Variants in BRCC3 observed in about 807,000 individuals in gnomAD.
The protein encoded by BRCC3 is BRCA1/BRCA2-containing complex subunit 3, also known as lys-63-specific deubiquitinase BRCC36.
Under a neutral mutation model 28.0 loss-of-function variants are expected in BRCC3, and 15 were observed. The observed-to-expected ratio is 0.54, with a 90% CI of 0.36 to 0.82. BRCC3 has a LOEUF of 0.82. Among genes scored for constraint, BRCC3 ranks in the 40% least tolerant of loss-of-function variants. The pLI is 0.01. For synonymous variants in BRCC3, 66 were observed against 80.3 expected (o/e 0.82, Z 0.95); for missense variants, 109 against 225.9 (o/e 0.48, Z 3.32).
intron 8 of BRCC3, 80 bp from the exon 9 acceptor site, chrX:155,116,631 T>G: frequency 1.6e-6 from 1 of 607,844 alleles, no homozygotes; most frequent in Non-Finnish European, 2.6e-6. Flanking sequence ...CTAATACAGT[T>G]GGCAACGGTA....
At chrX:155,099,484 A>C in intron 7 of BRCC3, 89 of 1,094,670 alleles carry the variant, frequency 8.1e-5, no homozygotes, top group Non-Finnish European at 1.0e-4. Flanking sequence ...CTTCCATCTC[A>C]CTGGCAGAAC....
In BRCC3 at chrX:155,073,415, G is replaced by A. The variant is rs781808889; in HGVS notation, c.179G>A (p.Arg60His). 2.8e-5 allele frequency: 33 copies of A among 1,165,095 alleles called. 1 individual carries two copies. The highest frequency in any genetic ancestry group is 3.2e-5 in the Non-Finnish European group (28 of 872,426). ...SKFAYTGTEM[R>H]TVAEKVDAVR... Reference sequence around the variant, plus strand: ...TTTGCATATACTGGAACTGAAATGCGCACAGTTGCTGAAAAGGTATGTGTG... The same window carrying A: ...TTTGCATATACTGGAACTGAAATGCACACAGTTGCTGAAAAGGTATGTGTG... The change falls in exon 3 of 11, where the codon CGC (arginine) becomes CAC (histidine). Residue 60 changes from arginine (R) to histidine (H), a missense_variant. This residue lies in a region of BRCC3 where 58 missense variants were observed against 92.8 expected (regional missense o/e 0.63). Transcript: ENST00000330045.
intron 9 of BRCC3, among the ~76,000 whole-genome samples, chrX:155,118,058 G>C (rs1238408885): frequency 8.9e-6 from 1 of 112,151 alleles, no homozygotes; most frequent in African/African-American, 3.2e-5. Context: ...TGTCATACCA[G>C]TTCCTTTCCT....
At chrX:155,111,367 T>C (rs781898728) in intron 7 of BRCC3, among the ~76,000 whole-genome samples, 4 of 110,634 alleles carry the variant, frequency 3.6e-5, no homozygotes, top group East Asian at 2.8e-4. Flanking sequence ...AGGGACAGAG[T>C]TTCAGAGAAC....
At chrX:155,117,625 AT>A (rs1476698566) in intron 9 of BRCC3, among the ~76,000 whole-genome samples, 1 of 112,331 alleles carries the variant, frequency 8.9e-6, no homozygotes, top group Non-Finnish European at 1.9e-5. Context: ...ATATATAACC[AT>A]ATTCTAAAGC....
At position 155,102,618 on chromosome X, in the gene BRCC3, G is replaced by A. The variant is rs781844045; in HGVS notation, c.548+11779G>A. On this transcript the variant is annotated intron_variant, in intron 7 of 10. Coordinates refer to ENST00000330045, the MANE Select transcript of BRCC3 (RefSeq NM_001018055.3). The stretch of plus-strand genomic sequence containing the variant: ...GCGTTGTTAGAACCTCTAATAAGCT[G>A]TTGAATACAGCTGGTAAGAGCGGTC... Among the ~76,000 whole-genome samples the A allele has an allele frequency of 5.8e-4, 65 of 111,526 alleles. 1 individual carries two copies. Among genetic ancestry groups the A allele is most frequent in the Admixed American group, 1.9e-4 (2 of 10,514 alleles).
At position 155,090,858 on chromosome X, in the gene BRCC3, T is replaced by C. The variant is rs782154394; in HGVS notation, c.548+19T>C. On this transcript the variant is annotated intron_variant, in intron 7 of 10. Transcript: ENST00000330045. The stretch of plus-strand genomic sequence containing the variant: ...GTTCAGAGTAAGTATGAGAGAGACT[T>C]ATGTGTGTATTGGAGGGCTAATCTC... The C allele has an allele frequency of 1.8e-6, 2 of 1,104,196 alleles. No individual in the cohort carries two copies. The highest frequency in any genetic ancestry group is 6.0e-5 in the East Asian group (2 of 33,082). 91.0% of individuals were successfully genotyped at this position (1,104,196 alleles called of 1,213,427 possible).
chrX:155,074,373 C>T (rs781954523), intron 3 of BRCC3, among the ~76,000 whole-genome samples: 3 of 112,167 alleles, frequency 2.7e-5, no homozygotes, highest in African/African-American at 9.7e-5. Flanking sequence ...CCAGTCAAAC[C>T]CACTGAGGTC....
chrX:155,109,523 G>T (rs948337040), intron 7 of BRCC3, among the ~76,000 whole-genome samples: 53 of 111,719 alleles, frequency 4.7e-4, no homozygotes, highest in Admixed American at 4.7e-4. Flanking sequence ...TGGGAATTTG[G>T]TGTTTTATGT....
At chrX:155,075,556 C>T (rs1204964100) in intron 3 of BRCC3, among the ~76,000 whole-genome samples, 2 of 111,823 alleles carry the variant, frequency 1.8e-5, no homozygotes, top group Non-Finnish European at 3.8e-5. Context: ...AGATCTGCCT[C>T]ACACGTTCTA....
intron 5 of BRCC3, among the ~76,000 whole-genome samples, chrX:155,080,096 G>T (rs1557294033): frequency 9.0e-6 from 1 of 111,144 alleles, no homozygotes; most frequent in Admixed American, 9.6e-5. Flanking sequence ...AAATTCAGTG[G>T]CTGATTTGTT....
intron 5 of BRCC3, among the ~76,000 whole-genome samples, chrX:155,085,395 G>A (rs981225485): frequency 3.6e-5 from 4 of 112,464 alleles, no homozygotes; most frequent in Non-Finnish European, 7.5e-5. Context: ...CCCAGTGCAT[G>A]TGACATTCAG....
At chrX:155,078,850 A>G in intron 5 of BRCC3, 147 bp downstream of exon 5, 1 of 405,052 alleles carries the variant, frequency 2.5e-6, no homozygotes, top group Non-Finnish European at 4.3e-6. Flanking sequence ...ATTATGTATT[A>G]AAAGTAATGA....
intron 5 of BRCC3, among the ~76,000 whole-genome samples, chrX:155,085,347 CTG>C (rs1569560479): frequency 8.9e-6 from 1 of 112,733 alleles, no homozygotes; most frequent in African/African-American, 3.2e-5. Context: ...TTCAAGAAAA[CTG>C]TTTCTTAAAT....
At chrX:155,093,679 C>T (rs1557295924) in intron 7 of BRCC3, among the ~76,000 whole-genome samples, 1 of 107,940 alleles carries the variant, frequency 9.3e-6, no homozygotes, top group African/African-American at 3.4e-5. Context: ...CAGCTCTCTC[C>T]TTCCTTTTCC....
chrX:155,076,049 G>C (rs782628876), intron 3 of BRCC3, among the ~76,000 whole-genome samples: 1 of 112,143 alleles, frequency 8.9e-6, no homozygotes, highest in African/African-American at 3.3e-5. Flanking sequence ...TTATGTAAAA[G>C]ATTACTTTTC....
chrX:155,084,923 C>G (rs2074111371), intron 5 of BRCC3, among the ~76,000 whole-genome samples: 1 of 111,940 alleles, frequency 8.9e-6, no homozygotes, highest in South Asian at 3.7e-4. Context: ...TGGGCCGTGA[C>G]TGCACCACTG....
chrX:155,081,816 G>C (rs1412810278), intron 5 of BRCC3, among the ~76,000 whole-genome samples: 1 of 111,458 alleles, frequency 9.0e-6, no homozygotes, highest in Admixed American at 9.5e-5. Flanking sequence ...TCCATAAAAC[G>C]ATTCTTCAGG....
Position 155,122,978 on chromosome X carries a change from T to C in BRCC3, c.*1774T>C, listed in dbSNP as rs1335290777. 1 of 111,443 alleles carries C rather than the reference T, an allele frequency of 9.0e-6. No homozygotes were observed. The highest frequency in any genetic ancestry group is 1.9e-5 in the Non-Finnish European group (1 of 53,079). The allele number at this position is 111,443 out of a possible 1,213,427, so 9.2% of individuals were successfully genotyped here. Reference sequence around the variant, plus strand: ...GATTATGAGGTTAAGCACATGAGTCTTTACCTGTGCTGAAGTTGTATGGAC... The same window carrying C: ...GATTATGAGGTTAAGCACATGAGTCCTTACCTGTGCTGAAGTTGTATGGAC... On this transcript the variant is annotated 3_prime_UTR_variant, in exon 11 of 11. Transcript: ENST00000330045.
Sources: gnomAD v4.1 joint callset for allele counts (sites outside exome capture counted in the v4.1 genomes callset) on GRCh38, gnomAD v4.1.1 for gene constraint, gnomAD v4.1.1 regional missense constraint, MANE v1.5 for transcripts, NCBI Gene and HGNC (gene_info 2026-07-23, HGNC 2026-07-21) for gene names.